THSD4: variants seen among roughly 807,000 people sequenced by gnomAD.
THSD4 encodes the protein thrombospondin type 1 domain containing 4, also known as thrombospondin type-1 domain-containing protein 4.
THSD4 carries 69 observed loss-of-function variants against 119.0 expected under a neutral mutation model. The observed-to-expected ratio is 0.58, with a 90% CI of 0.48 to 0.71. The LOEUF is 0.71. THSD4 is among the 30% of genes least tolerant of loss of function. THSD4 has a pLI of 0.00. For synonymous variants in THSD4, 524 were observed against 540.4 expected (o/e 0.97, Z 0.42); for missense variants, 1,393 against 1,391.1 (o/e 1.00, Z -0.02).
At chr15:71,262,202 T>C (rs2044408687) in intron 6 of THSD4, among the ~76,000 whole-genome samples, 2 of 152,200 alleles carry the variant, frequency 1.3e-5, no homozygotes, top group South Asian at 4.1e-4. Flanking sequence ...TGGTTCTTCT[T>C]AAGCCTTTAA....
chr15:71,756,010 T>TG (rs2053532650), intron 14 of THSD4, among the ~76,000 whole-genome samples: 1 of 152,100 alleles, frequency 6.6e-6, no homozygotes, highest in African/African-American at 2.4e-5. Flanking sequence ...GAAGGAGGTA[T>TG]GGGGGATAGG....
chr15:71,507,105 T>A (rs1306310281), intron 7 of THSD4, among the ~76,000 whole-genome samples: 1 of 152,202 alleles, frequency 6.6e-6, no homozygotes, highest in Non-Finnish European at 1.5e-5. Context: ...CATGAGCACA[T>A]GCCTCGGGCT....
intron 6 of THSD4, among the ~76,000 whole-genome samples, chr15:71,274,616 A>G (rs1335377289): frequency 6.6e-6 from 1 of 152,162 alleles, no homozygotes; most frequent in African/African-American, 2.4e-5. Context: ...TCTCTGGGAC[A>G]GGCCTCCTTC....
chr15:71,606,467 G>A (rs573142544), intron 7 of THSD4, among the ~76,000 whole-genome samples: 2 of 152,270 alleles, frequency 1.3e-5, no homozygotes, highest in East Asian at 3.9e-4. Flanking sequence ...CCAGCAAGGA[G>A]GCAGGATAAA....
chr15:71,324,681 T>C (rs2045317289), intron 6 of THSD4, among the ~76,000 whole-genome samples: 5 of 152,254 alleles, frequency 3.3e-5, no homozygotes, highest in Admixed American at 3.3e-4. Flanking sequence ...GGTGTATATA[T>C]ACCACATTTT....
At chr15:71,376,900 C>A (rs1055457267) in intron 6 of THSD4, among the ~76,000 whole-genome samples, 2 of 152,040 alleles carry the variant, frequency 1.3e-5, no homozygotes. Flanking sequence ...ACTTCATGCC[C>A]TAGGAGGGAG....
chr15:71,661,326 C>T (rs1422140701), intron 8 of THSD4, among the ~76,000 whole-genome samples: 1 of 152,162 alleles, frequency 6.6e-6, no homozygotes, highest in Admixed American at 6.5e-5. Flanking sequence ...TTGATACTTC[C>T]TTCTGGACTT....
chr15:71,362,007 G>A (rs749234373), intron 6 of THSD4, among the ~76,000 whole-genome samples: 11 of 152,266 alleles, frequency 7.2e-5, no homozygotes, highest in Non-Finnish European at 1.2e-4. Flanking sequence ...ACTGGGCGTG[G>A]TGGCTAATGC....
At chr15:71,458,967 T>C (rs930959180) in intron 7 of THSD4, among the ~76,000 whole-genome samples, 5 of 152,104 alleles carry the variant, frequency 3.3e-5, no homozygotes, top group Non-Finnish European at 5.9e-5. Context: ...GTTCTTTACT[T>C]TGCTAGATGC....
intron 7 of THSD4, among the ~76,000 whole-genome samples, chr15:71,456,919 G>A (rs2047347969): frequency 6.6e-6 from 1 of 152,182 alleles, no homozygotes; most frequent in Admixed American, 6.5e-5. Flanking sequence ...AAATATCTTA[G>A]GGCCATGGAT....
intron 7 of THSD4, among the ~76,000 whole-genome samples, chr15:71,543,293 T>G (rs910762707): frequency 1.2e-4 from 19 of 152,046 alleles, no homozygotes; most frequent in Non-Finnish European, 1.5e-5. Context: ...AGTGACATGA[T>G]TGGAGTCACA....
At chr15:71,149,452 G>C (rs973333805) in intron 2 of THSD4, among the ~76,000 whole-genome samples, 12 of 151,848 alleles carry the variant, frequency 7.9e-5, no homozygotes, top group Admixed American at 3.3e-4. Flanking sequence ...CACTGTGTTC[G>C]AGACCAGGCT....
chr15:71,746,927 A>C lies in THSD4; in HGVS notation c.2126A>C (p.Asn709Thr), dbSNP rs1368211558. 3.1e-6 allele frequency: 5 copies of C among 1,613,918 alleles called. No individual in the cohort carries two copies. Among genetic ancestry groups the C allele is most frequent in the Non-Finnish European group, 4.2e-6 (5 of 1,180,032 alleles). Residue 709 changes from asparagine to threonine, a missense_variant, in exon 13 of 18, where the codon AAC (asparagine) becomes ACC (threonine). Coordinates refer to ENST00000261862, the MANE Select transcript of THSD4 (RefSeq NM_024817.3). ...GTTCTGTGCCGCCAGGTGTACGCCA[A>C]CCGCAGCCTGACGGTGCAGCCCTAC... is the stretch of plus-strand genomic sequence containing the variant. ...RQVLCRQVYA[N>T]RSLTVQPYRC...
At chr15:71,653,721 T>C (rs2051136869) in intron 7 of THSD4, among the ~76,000 whole-genome samples, 2 of 152,228 alleles carry the variant, frequency 1.3e-5, no homozygotes, top group East Asian at 3.8e-4. Flanking sequence ...ATAGTGGAGC[T>C]TTGGATTTCC....
intron 8 of THSD4, among the ~76,000 whole-genome samples, chr15:71,662,661 A>G (rs949219601): frequency 6.6e-6 from 1 of 152,166 alleles, no homozygotes; most frequent in Non-Finnish European, 1.5e-5. Flanking sequence ...TGAATAAAAA[A>G]TAGACATTCT....
intron 7 of THSD4, among the ~76,000 whole-genome samples, chr15:71,518,429 G>A (rs1490412995): frequency 6.6e-6 from 1 of 152,074 alleles, no homozygotes; most frequent in African/African-American, 2.4e-5. Flanking sequence ...TACCTGCGTG[G>A]GAATGATAGA....
chr15:71,223,674 G>T (rs537355702), intron 4 of THSD4, among the ~76,000 whole-genome samples: 1 of 152,256 alleles, frequency 6.6e-6, no homozygotes, highest in Admixed American at 6.5e-5. Flanking sequence ...AAAGAGGCGT[G>T]GTTTTCCATG....
At chr15:71,314,012 T>A (rs1596331177) in intron 6 of THSD4, among the ~76,000 whole-genome samples, 1 of 152,208 alleles carries the variant, frequency 6.6e-6, no homozygotes, top group Admixed American at 6.5e-5. Flanking sequence ...GGAGGAATTC[T>A]TCTGTCCAGA....
At chr15:71,111,520 T>C, upstream of THSD4, 1 of 835,864 alleles carries the variant, frequency 1.2e-6, no homozygotes, top group East Asian at 2.7e-5. Context: ...TAACAGCAAG[T>C]TGACCAACTC....
Sources: gnomAD v4.1 joint callset for allele counts (sites outside exome capture counted in the v4.1 genomes callset) on GRCh38, gnomAD v4.1.1 for gene constraint, MANE v1.5 for transcripts, NCBI Gene and HGNC (gene_info 2026-07-23, HGNC 2026-07-21) for gene names.